KIF1A: variants seen among roughly 807,000 people sequenced by gnomAD.
KIF1A encodes the protein kinesin family member 1A.
A neutral mutation model predicts 227.3 loss-of-function variants in KIF1A; 46 were observed. The observed-to-expected ratio is 0.20, with a 90% CI of 0.16 to 0.26. The LOEUF is 0.26. Ranked by LOEUF, KIF1A falls within the 10% of genes least tolerant of loss-of-function variation. KIF1A has a pLI of 1.00. For missense variants in KIF1A, 1,683 were observed against 2,485.9 expected (o/e 0.68, Z 6.87); for synonymous variants, 1,022 against 1,012.8 (o/e 1.01, Z -0.17).
chr2:240,780,153 C>T (rs1165659867), intron 10 of KIF1A, among the ~76,000 whole-genome samples: 1 of 152,034 alleles, frequency 6.6e-6, no homozygotes, highest in Non-Finnish European at 1.5e-5. Context: ...GAGTCCCTGA[C>T]GCAGCGTTCA....
intron 27 of KIF1A, among the ~76,000 whole-genome samples, chr2:240,756,780 ACT>A (rs1007215681): frequency 1.3e-5 from 2 of 152,230 alleles, no homozygotes; most frequent in Non-Finnish European, 2.9e-5. Flanking sequence ...AGTGGAGAGC[ACT>A]GAGAGCAGCC....
At chr2:240,746,291 C>T (rs1416322299) in intron 29 of KIF1A, 114 bp from the exon 30 acceptor site, 3 of 1,265,788 alleles carry the variant, frequency 2.4e-6, no homozygotes, top group Admixed American at 5.2e-5. Context: ...TGGGCTGGGG[C>T]CTCCATGAAC....
At chr2:240,814,297 A>G (rs2058165589) in intron 1 of KIF1A, among the ~76,000 whole-genome samples, 1 of 152,086 alleles carries the variant, frequency 6.6e-6, no homozygotes, top group African/African-American at 2.4e-5. Context: ...CCAGGGAGAA[A>G]AGACGAGTTG....
At chr2:240,763,613 G>C (rs1020795253) in intron 20 of KIF1A, among the ~76,000 whole-genome samples, 1 of 152,066 alleles carries the variant, frequency 6.6e-6, no homozygotes, top group South Asian at 2.1e-4. Flanking sequence ...CAGTGTCCCC[G>C]CCCCTCCCCA....
intron 14 of KIF1A, among the ~76,000 whole-genome samples, chr2:240,771,984 C>T (rs1204382354): frequency 6.6e-6 from 1 of 152,202 alleles, no homozygotes; most frequent in Admixed American, 6.5e-5. Flanking sequence ...GCCCTGCAGC[C>T]AAGCTCGGGG....
chr2:240,758,214 G>T lies in KIF1A; in HGVS notation c.2582+146C>A. The T allele has an allele frequency of 2.2e-6, 2 of 889,376 alleles. No homozygotes were observed. Among genetic ancestry groups the T allele is most frequent in the Non-Finnish European group, 1.6e-6 (1 of 609,102 alleles). The allele number at this position is 889,376 out of a possible 1,614,324, so 55.1% of individuals were successfully genotyped here. A position where few individuals can be genotyped will look rare whatever the true frequency, so the allele number is the denominator to read the frequency against. Reference sequence around the variant, plus strand: ...GAGGAATGGCTGGGAGGAACCTCAGGCCAGGGAGGACAGGGCTGGGAATAT... The same window carrying T: ...GAGGAATGGCTGGGAGGAACCTCAGTCCAGGGAGGACAGGGCTGGGAATAT... On this transcript the variant is annotated intron_variant, in intron 26 of 48. Coordinates refer to ENST00000498729, the MANE Select transcript of KIF1A (RefSeq NM_001244008.2). This position sits in a 1 kb window ranked among gnomAD's most constrained non-coding sequence, Gnocchi z 5.2.
Position 240,767,305 on chromosome 2 carries a change from G to A in KIF1A, c.1538C>T (p.Ser513Phe). Residue 513 changes from serine (S) to phenylalanine (F), a missense_variant, in exon 18 of 49, where the codon TCT becomes TTT. Coordinates refer to ENST00000498729, the MANE Select transcript of KIF1A (RefSeq NM_001244008.2). ...LVNLNEDPLM[S>F]ECLLYYIKDG... ...CTTGATGTAGTAGAGCAGGCACTCA[G>A]ACATCAGCGGGTCCTCGTTCAGGTT... The A allele has an allele frequency of 6.2e-7, 1 of 1,613,770 alleles. No homozygotes were observed. Among genetic ancestry groups the A allele is most frequent in the Non-Finnish European group, 8.5e-7 (1 of 1,179,914 alleles).
chr2:240,794,223 G>C (rs1169699980), intron 2 of KIF1A, among the ~76,000 whole-genome samples: 1 of 152,204 alleles, frequency 6.6e-6, no homozygotes, highest in East Asian at 1.9e-4. Context: ...AGCTCCCTCA[G>C]CCCTTCACTC....
intron 1 of KIF1A, among the ~76,000 whole-genome samples, chr2:240,798,785 C>G (rs1324355168): frequency 6.6e-6 from 1 of 152,184 alleles, no homozygotes. Flanking sequence ...GGGACAGCCT[C>G]GGGACAGAGC....
intron 2 of KIF1A, among the ~76,000 whole-genome samples, chr2:240,794,749 G>A (rs1047639488): frequency 8.5e-5 from 13 of 152,280 alleles, no homozygotes; most frequent in Non-Finnish European, 1.0e-4. Flanking sequence ...TCACCAGGCC[G>A]TCCCCAGCAA....
At chr2:240,774,386 G>T in intron 11 of KIF1A, 125 bp from the exon 12 acceptor site, 1 of 433,048 alleles carries the variant, frequency 2.3e-6, no homozygotes, top group Admixed American at 3.4e-5. Flanking sequence ...CTGAGTCACA[G>T]GCTTACCCCC....
rs1327176789 is a variant in KIF1A, at chr2:240,718,161, T to C, written c.5222A>G (p.Asn1741Ser). ...GTGTTCCGTGCACACCGCGAATGTG[T>C]TGGGTGTCTGCAGAGGGAGGCAGCT... ...EDQQAMLKTP[N>S]TFAVCTEHRG... The change falls in exon 48 of 49, where the codon AAC becomes AGC. Residue 1741 changes from asparagine to serine, a missense_variant. Asn to Ser is a conservative substitution (Grantham distance 46). Transcript: ENST00000498729. 1.9e-6 allele frequency: 3 copies of C among 1,602,170 alleles called. No individual in the cohort carries two copies. Among genetic ancestry groups the C allele is most frequent in the Non-Finnish European group, 1.7e-6 (2 of 1,174,742 alleles).
chr2:240,802,721 T>C (rs933759760), intron 1 of KIF1A, among the ~76,000 whole-genome samples: 3 of 152,186 alleles, frequency 2.0e-5, no homozygotes, highest in Non-Finnish European at 4.4e-5. Context: ...AGCCTTTACC[T>C]CCTAGGCTTA....
chr2:240,749,337 G>C (rs139798278), intron 28 of KIF1A, among the ~76,000 whole-genome samples: 2 of 152,108 alleles, frequency 1.3e-5, no homozygotes, highest in East Asian at 1.9e-4. Context: ...TTGCCATCTG[G>C]GGAGGGGTAT....
At position 240,766,123 on chromosome 2, in the gene KIF1A, G is replaced by A. The variant is rs1385160850; in HGVS notation, c.1685-330C>T. Among the ~76,000 whole-genome samples the A allele has an allele frequency of 6.6e-6, 1 of 152,258 alleles. No individual in the cohort carries two copies. Among genetic ancestry groups the A allele is most frequent in the Non-Finnish European group, 1.5e-5 (1 of 68,036 alleles). On this transcript the variant is annotated intron_variant, in intron 19 of 48. Transcript: ENST00000498729. The surrounding 1 kb of genome is among the most constrained non-coding windows in gnomAD (Gnocchi z 5.0). ...AAAAACACCAGCTAATGGGGCCTGG[G>A]CCGTCCCACAGGAGAGGGTAGGCAG...
At chr2:240,771,365 T>C (rs1271678995) in intron 14 of KIF1A, 10 of 548,104 alleles carry the variant, frequency 1.8e-5, no homozygotes, top group Admixed American at 3.2e-5. Flanking sequence ...TTGCCTACGA[T>C]GGGACGGGGC....
intron 1 of KIF1A, among the ~76,000 whole-genome samples, chr2:240,802,483 A>C (rs74002938): frequency 0.013 from 2,025 of 152,358 alleles, 34 homozygotes; most frequent in African/African-American, 0.045. Context: ...CAAGTAAAAC[A>C]TTAAAAATTG....
chr2:240,776,779 A>T (rs2052776730), intron 10 of KIF1A, among the ~76,000 whole-genome samples: 1 of 152,216 alleles, frequency 6.6e-6, no homozygotes, highest in African/African-American at 2.4e-5. Flanking sequence ...CGCAGATGCC[A>T]CCTCAAGGGC....
intron 20 of KIF1A, 21 bp downstream of exon 20, chr2:240,765,689 C>A (rs767708584): frequency 5.0e-6 from 8 of 1,598,160 alleles, no homozygotes; most frequent in Admixed American, 1.7e-5. Context: ...CCTGACTGGC[C>A]CCCGGAGTCC....
Sources: gnomAD v4.1 joint callset for allele counts (sites outside exome capture counted in the v4.1 genomes callset) on GRCh38, gnomAD v4.1.1 for gene constraint, Gnocchi (gnomAD v3.1) non-coding constraint, MANE v1.5 for transcripts, NCBI Gene and HGNC (gene_info 2026-07-23, HGNC 2026-07-21) for gene names.